Variants in RPS6KA2 observed in about 807,000 individuals in gnomAD.
RPS6KA2 encodes the protein ribosomal protein S6 kinase alpha-2.
Under a neutral mutation model 91.8 loss-of-function variants are expected in RPS6KA2, and 42 were observed. That is an observed-to-expected ratio of 0.46 (90% CI 0.36 to 0.59). The LOEUF is 0.59. Ranked by LOEUF, RPS6KA2 falls within the 20% of genes least tolerant of loss-of-function variation. RPS6KA2 has a pLI of 0.00. For missense variants in RPS6KA2, 798 were observed against 978.5 expected (o/e 0.82, Z 2.46); for synonymous variants, 414 against 393.6 (o/e 1.05, Z -0.61).
chr6:166,783,089 ATTATTATTATTGT>A (rs1778813561), intron 2 of RPS6KA2, among the ~76,000 whole-genome samples: 1 of 67,336 alleles, frequency 1.5e-5, no homozygotes, highest in Non-Finnish European at 3.2e-5. Context: ...TATTATTATT[ATTATTATTATTGT>A]TTTTGAGACA....
intron 2 of RPS6KA2, among the ~76,000 whole-genome samples, chr6:166,647,718 G>T (rs1787653873): frequency 6.6e-6 from 1 of 152,074 alleles, no homozygotes; most frequent in African/African-American, 2.4e-5. Context: ...TTTCCAGGAG[G>T]CTTCCTATAC....
intron 10 of RPS6KA2, among the ~76,000 whole-genome samples, chr6:166,481,462 G>T (rs1325045269): frequency 3.9e-5 from 6 of 152,244 alleles, no homozygotes; most frequent in Non-Finnish European, 7.3e-5. Context: ...CAGAGTGGAG[G>T]CCTCTGATGA....
intron 2 of RPS6KA2, among the ~76,000 whole-genome samples, chr6:166,754,663 AC>A (rs1365297798): frequency 6.6e-6 from 1 of 151,644 alleles, no homozygotes; most frequent in Admixed American, 6.6e-5. Context: ...GGAATTAGAA[AC>A]CCTGGGGGAG....
At chr6:166,688,261 C>T (rs967582564) in intron 2 of RPS6KA2, among the ~76,000 whole-genome samples, 13 of 152,096 alleles carry the variant, frequency 8.5e-5, no homozygotes, top group African/African-American at 2.4e-5. Flanking sequence ...CACTAAAGCT[C>T]GTGTGTGGTG....
intron 2 of RPS6KA2, among the ~76,000 whole-genome samples, chr6:166,803,185 A>T (rs1779412949): frequency 6.6e-6 from 1 of 152,356 alleles, no homozygotes; most frequent in African/African-American, 2.4e-5. Flanking sequence ...ATAGAAAATC[A>T]AAAGTATTTG....
chr6:166,698,575 T>G (rs1411223875), intron 2 of RPS6KA2, among the ~76,000 whole-genome samples: 1 of 152,194 alleles, frequency 6.6e-6, no homozygotes, highest in East Asian at 1.9e-4. Context: ...TGTCAGGTAT[T>G]AGACAGACAT....
At chr6:166,795,912 C>A (rs1167320222) in intron 2 of RPS6KA2, among the ~76,000 whole-genome samples, 3 of 152,170 alleles carry the variant, frequency 2.0e-5, no homozygotes, top group African/African-American at 4.8e-5. Context: ...TCCTCTGGAC[C>A]AATAGTCAAG....
chr6:166,596,153 C>A (rs1278067579), intron 1 of RPS6KA2, among the ~76,000 whole-genome samples: 1 of 152,200 alleles, frequency 6.6e-6, no homozygotes, highest in African/African-American at 2.4e-5. Flanking sequence ...GGCCTCCAGA[C>A]AGGGGTCACA....
At chr6:166,624,098 T>A (rs752634674) in intron 1 of RPS6KA2, among the ~76,000 whole-genome samples, 4 of 152,164 alleles carry the variant, frequency 2.6e-5, no homozygotes, top group South Asian at 2.1e-4. Flanking sequence ...AAATAAAAAA[T>A]GAAAATAAAT....
chr6:166,853,036 C>T (rs1025284177), intron 2 of RPS6KA2, among the ~76,000 whole-genome samples: 1 of 152,202 alleles, frequency 6.6e-6, no homozygotes, highest in Non-Finnish European at 1.5e-5. Flanking sequence ...AGTGGAATCA[C>T]GCTGACATTT....
intron 1 of RPS6KA2, chr6:166,858,379 A>C (rs1226904757): frequency 1.5e-6 from 1 of 658,528 alleles, no homozygotes; most frequent in Non-Finnish European, 2.8e-6. Context: ...TCTGTAGGAC[A>C]TGGAAACCAT....
intron 2 of RPS6KA2, among the ~76,000 whole-genome samples, chr6:166,713,334 G>A (rs1252271801): frequency 6.6e-6 from 1 of 152,148 alleles, no homozygotes; most frequent in South Asian, 2.1e-4. Flanking sequence ...GTTTTGTTTT[G>A]TTTTAATAAA....
intron 2 of RPS6KA2, among the ~76,000 whole-genome samples, chr6:166,693,305 C>G (rs1038344872): frequency 1.3e-5 from 2 of 152,232 alleles, no homozygotes; most frequent in Non-Finnish European, 2.9e-5. Context: ...GGCTGCAGAT[C>G]AAGCTGCTAA....
At chr6:166,791,693 A>G (rs187492157) in intron 2 of RPS6KA2, among the ~76,000 whole-genome samples, 68 of 152,118 alleles carry the variant, frequency 4.5e-4, no homozygotes, top group African/African-American at 1.5e-3. Context: ...ATCAAACTAG[A>G]ACTCAGGATT....
At chr6:166,646,101 A>G (rs1367060040) in intron 2 of RPS6KA2, among the ~76,000 whole-genome samples, 3 of 152,180 alleles carry the variant, frequency 2.0e-5, no homozygotes, top group Non-Finnish European at 4.4e-5. Flanking sequence ...GGAATTGGGA[A>G]ATTTGCCATG....
At chr6:166,827,256 C>CAAAAAAAAAAA (rs56296433) in intron 2 of RPS6KA2, among the ~76,000 whole-genome samples, 3 of 94,498 alleles carry the variant, frequency 3.2e-5, no homozygotes, top group Non-Finnish European at 6.1e-5. Flanking sequence ...CAACCTTATA[C>CAAAAAAAAAAA]AAAAAAAAAA....
intron 1 of RPS6KA2, among the ~76,000 whole-genome samples, chr6:166,579,171 C>T (rs188773236): frequency 7.6e-4 from 115 of 152,272 alleles, no homozygotes; most frequent in Admixed American, 9.8e-4. Flanking sequence ...GACAAGTATC[C>T]GTTTATGCTG....
intron 1 of RPS6KA2, among the ~76,000 whole-genome samples, chr6:166,564,234 T>C (rs1354289382): frequency 6.6e-6 from 1 of 152,230 alleles, no homozygotes; most frequent in Non-Finnish European, 1.5e-5. Flanking sequence ...GTCACCCGCA[T>C]CATTCGATCA....
rs778444391 is a variant in RPS6KA2 at position 166,849,954 on chromosome 6, C to T, written c.123+8246G>A. On this transcript the variant is annotated intron_variant, in intron 2 of 21. Coordinates refer to the RPS6KA2 transcript ENST00000503859. The surrounding 1 kb of genome is among the most constrained non-coding windows in gnomAD (Gnocchi z 4.9). The stretch of plus-strand genomic sequence containing the variant: ...CCTCCACCAGAGAAGTGTGAGACTC[C>T]GGGTTCAGGAACGAGGGGCACTCAC... Among the ~76,000 whole-genome samples, 4 of 152,018 alleles carry T rather than the reference C, an allele frequency of 2.6e-5. No homozygotes were observed. Among genetic ancestry groups the T allele is most frequent in the African/African-American group, 4.8e-5 (2 of 41,398 alleles).
Sources: allele counts gnomAD v4.1 joint callset (sites outside exome capture counted in the v4.1 genomes callset), GRCh38; gene constraint gnomAD v4.1.1; non-coding constraint Gnocchi (gnomAD v3.1); transcripts MANE v1.5; gene names NCBI Gene and HGNC (gene_info 2026-07-23, HGNC 2026-07-21).